Variants in ZNF300 observed in about 807,000 individuals in gnomAD.
The protein encoded by ZNF300 is zinc finger protein 300.
A neutral mutation model predicts 13.9 loss-of-function variants in ZNF300; 6 were observed. The observed-to-expected ratio is 0.43, with a 90% CI of 0.24 to 0.85. The LOEUF (loss-of-function observed/expected upper bound fraction) is 0.85. Ranked by LOEUF, ZNF300 falls within the 40% of genes least tolerant of loss-of-function variation. The pLI is 0.25. For missense variants in ZNF300, 662 were observed against 714.2 expected, an observed-to-expected ratio of 0.93 and a Z score of 0.83; for synonymous variants, 237 against 242.2, an observed-to-expected ratio of 0.98 and a Z score of 0.20.
rs1334282990 is a variant in ZNF300 at position 150,895,636 on chromosome 5, G to A, written c.1603C>T (p.His535Tyr). The stretch of plus-strand genomic sequence containing the variant: ...TGAATTCGCTGGTGTCCCGGAAGGT[G>A]GGACTTCTGAGAGAAGGCTTTCCCA... ...ECGKAFSQKS[H>Y]LPGHQRIHTG... is the part of the protein sequence containing the mutation. Residue 535 changes from histidine (H) to tyrosine (Y), a missense_variant, in exon 6 of 6, where the codon CAC becomes TAC. By Grantham distance (83) the His-to-Tyr change is moderately conservative. Coordinates refer to ENST00000274599, the MANE Select transcript of ZNF300 (RefSeq NM_052860.4). 6.2e-7 allele frequency: 1 copy of A among 1,613,180 alleles called. No individual in the cohort carries two copies. The highest frequency in any genetic ancestry group is 1.1e-5 in the South Asian group (1 of 91,024).
intron 5 of ZNF300, chr5:150,897,354 A>T (rs1754831455): frequency 6.0e-6 from 1 of 167,020 alleles, no homozygotes; most frequent in Admixed American, 6.2e-5. Flanking sequence ...AAAACAAGGT[A>T]TCTTCTGTAT....
At position 150,896,650 on chromosome 5, in the gene ZNF300, T is replaced by C; in HGVS notation, c.589A>G (p.Asn197Asp). ...TTATAACAACTCGGTAGGTCAATAT[T>C]TGGTTTTAAGTTCTTTTTAAAAGCA... The part of the protein sequence containing the change: ...YDAFKKNLKP[N>D]IDLPSCYKSN... Residue 197 changes from asparagine to aspartate, a missense_variant, in exon 6 of 6, where the codon AAT becomes GAT. By Grantham distance (23) the Asn-to-Asp change is conservative. Transcript: ENST00000274599. 1 of 1,613,542 alleles carries C rather than the reference T, an allele frequency of 6.2e-7. No individual in the cohort carries two copies. Among genetic ancestry groups the C allele is most frequent in the South Asian group, 1.1e-5 (1 of 91,072 alleles).
chr5:150,896,572 T>C lies in ZNF300; in HGVS notation c.667A>G (p.Ser223Gly). ...DQSFGGGKSS[S>G]QSEPNSNLEK... Reference sequence around the variant, plus strand: ...AGATTAGAATTGGGCTCACTCTGGCTAGATGATTTTCCACCTCCAAAACTC... The same window carrying C: ...AGATTAGAATTGGGCTCACTCTGGCCAGATGATTTTCCACCTCCAAAACTC... Residue 223 changes from serine to glycine, a missense_variant, in exon 6 of 6, where the codon AGC (serine) becomes GGC (glycine). Ser to Gly is a moderately conservative substitution (Grantham distance 56). Coordinates refer to ENST00000274599, the MANE Select transcript of ZNF300 (RefSeq NM_052860.4). 1 of 1,613,768 alleles carries C rather than the reference T, an allele frequency of 6.2e-7. No individual in the cohort carries two copies. The highest frequency in any genetic ancestry group is 1.3e-5 in the African/African-American group (1 of 75,028).
Position 150,898,529 on chromosome 5 carries a change from G to T in ZNF300, c.41C>A (p.Ala14Asp), listed in dbSNP as rs564092887. ...CCACTCCTCCTGGGTGAAATCCACAGCCACATCCTTGAATGATACTAACCC... is the reference window on the plus strand; with the variant it reads ...CCACTCCTCCTGGGTGAAATCCACATCCACATCCTTGAATGATACTAACCC... Reference protein sequence around the residue: ...SQGLVSFKDVAVDFTQEEWQQ... With the variant: ...SQGLVSFKDVDVDFTQEEWQQ... The change falls in exon 4 of 6, where the codon GCT becomes GAT. Residue 14 changes from alanine to aspartate, a missense_variant. Physicochemically the swap from Ala to Asp is moderately radical, Grantham distance 126. Coordinates refer to ENST00000274599, the MANE Select transcript of ZNF300 (RefSeq NM_052860.4). 1 of 1,612,414 alleles carries T rather than the reference G, an allele frequency of 6.2e-7. No individual in the cohort carries two copies. Among genetic ancestry groups the T allele is most frequent in the East Asian group, 2.2e-5 (1 of 44,826 alleles).
chr5:150,894,741 G>A lies in ZNF300; in HGVS notation c.*683C>T, dbSNP rs528741343. 4 of 152,290 alleles carry A rather than the reference G, an allele frequency of 2.6e-5. No individual in the cohort carries two copies. Among genetic ancestry groups the A allele is most frequent in the African/African-American group, 7.2e-5 (3 of 41,434 alleles). 9.4% of individuals were successfully genotyped at this position (152,290 alleles called of 1,614,324 possible). A position where few individuals can be genotyped will look rare whatever the true frequency, so the allele number is the denominator to read the frequency against. On this transcript the variant is annotated 3_prime_UTR_variant, in exon 6 of 6. Coordinates refer to ENST00000274599, the MANE Select transcript of ZNF300 (RefSeq NM_052860.4). Reference sequence around the variant, plus strand: ...TGCCTAAAGTCACACAATCTGTGAGGCACTGAGCCAGGATTAAACCCAAGG... The same window carrying A: ...TGCCTAAAGTCACACAATCTGTGAGACACTGAGCCAGGATTAAACCCAAGG...
intron 2 of ZNF300, chr5:150,903,421 T>C: frequency 7.0e-7 from 1 of 1,438,778 alleles, no homozygotes; most frequent in Non-Finnish European, 9.5e-7. Flanking sequence ...CAAGGTTTTA[T>C]AATTGGATAG....
At chr5:150,897,713 A>G in intron 5 of ZNF300, 1 of 262,014 alleles carries the variant, frequency 3.8e-6, no homozygotes, top group East Asian at 7.4e-5. Flanking sequence ...TTAGACTCTT[A>G]ATTTTCTCTG....
At position 150,897,025 on chromosome 5, in the gene ZNF300, G is replaced by C. The variant is rs78031449; in HGVS notation, c.266-52C>G. The C allele has an allele frequency of 1.4e-3, 1,910 of 1,410,622 alleles. 93 individuals carry two copies. The East Asian group carries it at 0.044, about 32-fold the overall frequency. The allele number at this position is 1,410,622 out of a possible 1,614,324, so 87.4% of individuals were successfully genotyped here. ...GAGTCATCACAAGAGTCAATTAAGAGGGTAAAGAAGTAGAACAAATGGATG... is the reference window on the plus strand; with the variant it reads ...GAGTCATCACAAGAGTCAATTAAGACGGTAAAGAAGTAGAACAAATGGATG... On this transcript the variant is annotated intron_variant, in intron 5 of 5. Coordinates refer to ENST00000274599, the MANE Select transcript of ZNF300 (RefSeq NM_052860.4).
Position 150,896,423 on chromosome 5 carries a change from A to G in ZNF300, c.816T>C (p.Val272=). 6.2e-7 allele frequency: 1 copy of G among 1,613,694 alleles called. No individual in the cohort carries two copies. Among genetic ancestry groups the G allele is most frequent in the Non-Finnish European group, 8.5e-7 (1 of 1,179,840 alleles). The change falls in exon 6 of 6, where the codon GTT becomes GTC. Residue 272 remains valine (V), a synonymous_variant. Coordinates refer to ENST00000274599, the MANE Select transcript of ZNF300 (RefSeq NM_052860.4). ...VETKEKSCVC[V]TCGKAFAKKS... ...TCTTAGCAAAGGCTTTTCCACATGT[A>G]ACACATACACAGCTTTTCTCTTTAG...
chr5:150,904,114 G>C (rs890844678), intron 1 of ZNF300, 137 bp from the exon 2 acceptor site: 1 of 152,124 alleles, frequency 6.6e-6, no homozygotes, highest in African/African-American at 2.4e-5. Context: ...TTTTAATTAT[G>C]ATTTTATCAG....
intron 3 of ZNF300, chr5:150,900,646 G>C (rs1754963273): frequency 4.6e-5 from 7 of 152,124 alleles, no homozygotes; most frequent in Admixed American, 2.6e-4. Context: ...GCTAGCCAGT[G>C]CATATGACAT....
chr5:150,895,505 T>C lies in ZNF300; in HGVS notation c.1734A>G (p.Gln578=), dbSNP rs546918792. The C allele has an allele frequency of 4.3e-6, 7 of 1,613,566 alleles. No individual in the cohort carries two copies. The highest frequency in any genetic ancestry group is 1.3e-5 in the African/African-American group (1 of 74,998). ...TGAAGGCCTTCCCACATATAGCACA[T>C]TGATAGGGTCTTTCCCCAGTATGAA... ...QRIHTGERPY[Q]CAICGKAFIQ... The change falls in exon 6 of 6, where the codon CAA becomes CAG. Residue 578 remains glutamine, a synonymous_variant. Transcript: ENST00000274599.
intron 2 of ZNF300, chr5:150,903,502 A>G: frequency 1.3e-6 from 1 of 782,044 alleles, no homozygotes; most frequent in Non-Finnish European, 2.1e-6. Flanking sequence ...AATTCTATTT[A>G]TAGAAGATTT....
intron 3 of ZNF300, among the ~76,000 whole-genome samples, chr5:150,899,424 A>AAAAG (rs1325527178): frequency 1.3e-5 from 2 of 152,118 alleles, no homozygotes; most frequent in African/African-American, 4.8e-5. Flanking sequence ...TTTTTTTAAA[A>AAAAG]AAAGAAAAGC....
intron 3 of ZNF300, among the ~76,000 whole-genome samples, chr5:150,899,276 C>A (rs1754910362): frequency 6.6e-6 from 1 of 151,656 alleles, no homozygotes; most frequent in Admixed American, 6.6e-5. Context: ...CTATATAATA[C>A]CTGGGAAAAA....
intron 4 of ZNF300, 80 bp downstream of exon 4, chr5:150,898,348 G>A: frequency 6.2e-7 from 1 of 1,607,430 alleles, no homozygotes; most frequent in Non-Finnish European, 8.5e-7. Context: ...ACATATGTCA[G>A]GAACAATCTA....
chr5:150,902,103 T>A (rs1271701916), intron 3 of ZNF300, among the ~76,000 whole-genome samples: 1 of 152,152 alleles, frequency 6.6e-6, no homozygotes, highest in Non-Finnish European at 1.5e-5. Flanking sequence ...GAAGGTGAGT[T>A]TAAGTTAAAA....
rs755347508 is a variant in ZNF300 at position 150,895,384 on chromosome 5, A to C, written c.*40T>G. ...TTAATTGGGTTTCTAGTAATTATTA[A>C]GGCTTGAGCTAATACTAAGGCTTTT... On this transcript the variant is annotated 3_prime_UTR_variant, in exon 6 of 6. Coordinates refer to ENST00000274599, the MANE Select transcript of ZNF300 (RefSeq NM_052860.4). 3.5e-6 allele frequency: 5 copies of C among 1,409,478 alleles called. No individual in the cohort carries two copies. The East Asian group carries it at 1.2e-4, about 33-fold the overall frequency. 87.3% of individuals were successfully genotyped at this position (1,409,478 alleles called of 1,614,324 possible).
In ZNF300 at chr5:150,895,871, C is replaced by T; in HGVS notation, c.1368G>A (p.Gln456=). The change falls in exon 6 of 6, where the codon CAG becomes CAA. Residue 456 remains glutamine, a synonymous_variant. Coordinates refer to ENST00000274599, the MANE Select transcript of ZNF300 (RefSeq NM_052860.4). ...AAGGTTTTTCCCCAGTATGAACTAA[C>T]TGATGTGTAATGAGTTCTGTCTTCC... ...FSRKTELITH[Q]LVHTGEKPYE... is the part of the protein sequence containing the mutation. The T allele has an allele frequency of 6.2e-7, 1 of 1,613,656 alleles. No individual in the cohort carries two copies. Among genetic ancestry groups the T allele is most frequent in the Non-Finnish European group, 8.5e-7 (1 of 1,179,844 alleles).
Sources: allele counts gnomAD v4.1 joint callset (sites outside exome capture counted in the v4.1 genomes callset), GRCh38; gene constraint gnomAD v4.1.1; transcripts MANE v1.5; gene names NCBI Gene and HGNC (gene_info 2026-07-23, HGNC 2026-07-21).